The following FKBP3 variants were observed in gnomAD, a reference collection of about 807,000 sequenced individuals.
FKBP3 encodes FKBP prolyl isomerase 3.
FKBP3 carries 21 observed loss-of-function variants against 30.6 expected under a neutral mutation model. The observed-to-expected ratio is 0.69, with a 90% CI of 0.49 to 0.99. The LOEUF (loss-of-function observed/expected upper bound fraction) is 0.99. Among genes scored for constraint, FKBP3 ranks in the 50% least tolerant of loss-of-function variants. FKBP3 has a pLI of 0.00. For missense variants in FKBP3, 283 were observed against 261.6 expected, an observed-to-expected ratio of 1.08 and a Z score of -0.56; for synonymous variants, 82 against 91.3, an observed-to-expected ratio of 0.90 and a Z score of 0.58.
In FKBP3 at chr14:45,126,412, C is replaced by T. The variant is rs560642350; in HGVS notation, c.318+3382G>A. 2.3e-3 allele frequency among the ~76,000 whole-genome samples: 346 copies of T among 151,778 alleles called. 2 individuals are homozygous for T. Among genetic ancestry groups the T allele is most frequent in the Non-Finnish European group, 3.5e-3 (238 of 67,918 alleles). On this transcript the variant is annotated intron_variant, in intron 3 of 6. Coordinates refer to ENST00000396062, the MANE Select transcript of FKBP3 (RefSeq NM_002013.4). ...CTAAGGCAGGAGAACTGCTTGAACC[C>T]GGGAGGCGGAGGTTGCAGTGAGCCG...
intron 6 of FKBP3, among the ~76,000 whole-genome samples, chr14:45,116,473 G>T (rs527317295): frequency 1.3e-5 from 2 of 151,250 alleles, no homozygotes; most frequent in Admixed American, 6.6e-5. Flanking sequence ...GCTGGGGGGG[G>T]GTGGAACAAA....
chr14:45,117,935 G>C (rs1011299784), intron 6 of FKBP3, 93 bp downstream of exon 6: 7 of 864,930 alleles, frequency 8.1e-6, no homozygotes, highest in African/African-American at 1.7e-5. Flanking sequence ...TCTTGATCCA[G>C]AAGTTTGCCT....
chr14:45,124,287 T>C (rs187692057), intron 3 of FKBP3, among the ~76,000 whole-genome samples: 1 of 152,298 alleles, frequency 6.6e-6, no homozygotes, highest in Non-Finnish European at 1.5e-5. Context: ...ACCCAGCACT[T>C]TGGGAGGCCC....
chr14:45,121,148 C>T (rs897150480), intron 4 of FKBP3, among the ~76,000 whole-genome samples, 194 bp from the exon 5 acceptor site: 1 of 152,112 alleles, frequency 6.6e-6, no homozygotes, highest in Non-Finnish European at 1.5e-5. Context: ...AAAATAATTA[C>T]ATTCTTAACA....
At position 45,116,047 on chromosome 14, in the gene FKBP3, G is replaced by T; in HGVS notation, c.*151C>A. Reference sequence around the variant, plus strand: ...ATAAGGGATTTATCTCTCAAAAGCTGGGACCAAGTAAACAAATTTTATTAA... The same window carrying T: ...ATAAGGGATTTATCTCTCAAAAGCTTGGACCAAGTAAACAAATTTTATTAA... On this transcript the variant is annotated 3_prime_UTR_variant, in exon 7 of 7. Transcript: ENST00000396062. The T allele has an allele frequency of 1.7e-6, 1 of 578,456 alleles. No homozygotes were observed. The highest frequency in any genetic ancestry group is 2.7e-5 in the East Asian group (1 of 36,400). 35.8% of individuals were successfully genotyped at this position (578,456 alleles called of 1,614,324 possible). A position where few individuals can be genotyped will look rare whatever the true frequency, so the allele number is the denominator to read the frequency against.
chr14:45,126,716 G>T (rs143100930), intron 3 of FKBP3, among the ~76,000 whole-genome samples: 1 of 152,236 alleles, frequency 6.6e-6, no homozygotes, highest in Non-Finnish European at 1.5e-5. Context: ...CCAGGCAGTG[G>T]TATGCCTGTA....
chr14:45,121,636 A>C lies in FKBP3; in HGVS notation c.319-16T>G. The C allele has an allele frequency of 6.2e-7, 1 of 1,611,084 alleles. No individual in the cohort carries two copies. The highest frequency in any genetic ancestry group is 8.5e-7 in the Non-Finnish European group (1 of 1,178,714). ...TTGGTGGACCCTAAAAACAAAAAAC[A>C]ACACACACACACAGAGTTATTAATT... On this transcript the variant is annotated splice_polypyrimidine_tract_variant and intron_variant, in intron 3 of 6. Coordinates refer to ENST00000396062, the MANE Select transcript of FKBP3 (RefSeq NM_002013.4).
intron 5 of FKBP3, among the ~76,000 whole-genome samples, chr14:45,119,332 G>T (rs1884928796): frequency 6.6e-6 from 1 of 152,184 alleles, no homozygotes. Flanking sequence ...CACTTTGGGA[G>T]GCTGAAGATG....
chr14:45,132,924 T>C (rs1885253881), intron 1 of FKBP3, among the ~76,000 whole-genome samples: 1 of 152,196 alleles, frequency 6.6e-6, no homozygotes, highest in Admixed American at 6.5e-5. Flanking sequence ...TTGTTTCAGA[T>C]GAAATACGAA....
chr14:45,122,764 A>C (rs935854255), intron 3 of FKBP3, among the ~76,000 whole-genome samples: 4 of 151,836 alleles, frequency 2.6e-5, no homozygotes, highest in Non-Finnish European at 5.9e-5. Flanking sequence ...CGGCCTCCCA[A>C]AGTGTTGGGA....
chr14:45,120,543 G>A (rs905018303), intron 5 of FKBP3, among the ~76,000 whole-genome samples: 2 of 152,080 alleles, frequency 1.3e-5, no homozygotes, highest in Non-Finnish European at 2.9e-5. Flanking sequence ...TAAATTTAGA[G>A]GGCCAAACAT....
chr14:45,120,314 CTT>C (rs960345712), intron 5 of FKBP3, among the ~76,000 whole-genome samples: 1 of 152,150 alleles, frequency 6.6e-6, no homozygotes, highest in African/African-American at 2.4e-5. Context: ...CTAACTTCCT[CTT>C]TTCTCAAAGT....
intron 1 of FKBP3, 99 bp downstream of exon 1, chr14:45,134,250 A>G (rs751088692): frequency 5.0e-6 from 5 of 998,184 alleles, no homozygotes; most frequent in Non-Finnish European, 7.5e-6. Context: ...CGGGAAGACG[A>G]GGGCGGGGGC....
Position 45,130,792 on chromosome 14 carries a change from T to G in FKBP3, c.117A>C (p.Ala39=). The G allele has an allele frequency of 6.3e-7, 1 of 1,596,074 alleles. No homozygotes were observed. Among genetic ancestry groups the G allele is most frequent in the South Asian group, 1.1e-5 (1 of 88,088 alleles). Residue 39 remains alanine, a synonymous_variant, in exon 2 of 7, where the codon GCA becomes GCC. Transcript: ENST00000396062. The part of the protein sequence containing the change: ...LQEHGSDSFL[A]EHKLLGNIKN... ...TAATGTTTCCTAATAATTTATGTTC[T>G]GCAAGAAACTATAAGGAAAAAAGCT...
intron 5 of FKBP3, among the ~76,000 whole-genome samples, chr14:45,119,093 A>G (rs765699435): frequency 1.3e-5 from 2 of 152,206 alleles, no homozygotes; most frequent in Non-Finnish European, 2.9e-5. Context: ...AAGAAACAAT[A>G]AAAGTCTTCT....
intron 1 of FKBP3, among the ~76,000 whole-genome samples, chr14:45,133,642 G>T (rs1195668026): frequency 6.6e-6 from 1 of 152,202 alleles, no homozygotes; most frequent in African/African-American, 2.4e-5. Flanking sequence ...AAAAACAAGT[G>T]TAACAAAAAT....
intron 3 of FKBP3, among the ~76,000 whole-genome samples, chr14:45,124,460 AG>A (rs1438481284): frequency 6.6e-6 from 1 of 152,088 alleles, no homozygotes; most frequent in African/African-American, 2.4e-5. Flanking sequence ...TGAATCCAGG[AG>A]GCAGAGGTTG....
intron 1 of FKBP3, among the ~76,000 whole-genome samples, chr14:45,133,622 T>C (rs576214235): frequency 1.3e-5 from 2 of 152,346 alleles, no homozygotes; most frequent in African/African-American, 4.8e-5. Flanking sequence ...ATGAACTTAT[T>C]TTCCAAAGGA....
At position 45,134,435 on chromosome 14, in the gene FKBP3, G is replaced by T. The variant is rs765963124; in HGVS notation, c.22C>A (p.Arg8=). The T allele has an allele frequency of 2.5e-6, 4 of 1,609,914 alleles. No individual in the cohort carries two copies. The East Asian group carries it at 6.7e-5, about 27-fold the overall frequency. MAAAVPQ[R]AWTVEQLRSE... ...CGCAGCTGCTCCACGGTCCACGCCC[G>T]CTGTGGAACGGCCGCCGCCATCTTC... The change falls in exon 1 of 7, where the codon CGG becomes AGG. Residue 8 remains arginine, a synonymous_variant. Coordinates refer to ENST00000396062, the MANE Select transcript of FKBP3 (RefSeq NM_002013.4).
Sources: gnomAD v4.1 joint callset for allele counts (sites outside exome capture counted in the v4.1 genomes callset) on GRCh38, gnomAD v4.1.1 for gene constraint, MANE v1.5 for transcripts, NCBI Gene and HGNC (gene_info 2026-07-23, HGNC 2026-07-21) for gene names.